Variants in FLNB observed in about 807,000 individuals in gnomAD.
FLNB encodes filamin B.
Under a neutral mutation model 250.6 loss-of-function variants are expected in FLNB, and 111 were observed. That is an observed-to-expected ratio of 0.44 (90% CI 0.38 to 0.52). The LOEUF (loss-of-function observed/expected upper bound fraction) is 0.52, where lower values mean the gene tolerates loss of function less well. FLNB is among the 20% of genes least tolerant of loss of function. The pLI is 0.00. For synonymous variants in FLNB, 1,302 were observed against 1,372.1 expected, an observed-to-expected ratio of 0.95 and a Z score of 1.13; for missense variants, 2,869 against 3,447.8, an observed-to-expected ratio of 0.83 and a Z score of 4.20.
In FLNB at chr3:58,096,233, C is replaced by T. The variant is rs369937858; in HGVS notation, c.984+15C>T. 4.3e-4 allele frequency: 692 copies of T among 1,601,906 alleles called. 4 individuals carry two copies. Among genetic ancestry groups the T allele is most frequent in the Non-Finnish European group, 5.3e-5 (62 of 1,169,106 alleles). ...GGCTACACAAAGTAAGATGAAGCAG[C>T]ATGGCTGTGGCTTGGGCTGCTCTGG... is the stretch of plus-strand genomic sequence containing the variant. On this transcript the variant is annotated intron_variant, in intron 6 of 45. Transcript: ENST00000295956.
chr3:58,091,030 AT>A (rs1484183397), intron 4 of FLNB, among the ~76,000 whole-genome samples: 1 of 151,602 alleles, frequency 6.6e-6, no homozygotes, highest in Admixed American at 6.6e-5. Context: ...GTGAGCCAAG[AT>A]TGTGCCACCG....
chr3:58,146,923 C>T lies in FLNB; in HGVS notation c.5658C>T (p.Gly1886=), dbSNP rs780336349. 11 of 1,614,052 alleles carry T rather than the reference C, an allele frequency of 6.8e-6. No individual in the cohort carries two copies. The highest frequency in any genetic ancestry group is 1.7e-5 in the Admixed American group (1 of 60,000). Reference sequence around the variant, plus strand: ...TGACCTACCTGCCGACTCTGCCAGGCGACTACAGCATTCTGGTCAAGTACA... The same window carrying T: ...TGACCTACCTGCCGACTCTGCCAGGTGACTACAGCATTCTGGTCAAGTACA... ...CTVTYLPTLP[G]DYSILVKYND... is the part of the protein sequence containing the mutation. The change falls in exon 34 of 46, where the codon GGC becomes GGT. Residue 1886 remains glycine, a synonymous_variant. Transcript: ENST00000295956.
intron 27 of FLNB, among the ~76,000 whole-genome samples, chr3:58,135,651 A>G (rs1306121381): frequency 6.6e-6 from 1 of 152,144 alleles, no homozygotes; most frequent in Non-Finnish European, 1.5e-5. Context: ...TCCTGTTAAT[A>G]AAGAGAAAAG....
chr3:58,118,236 TGGA>T (rs2097282375), intron 18 of FLNB, among the ~76,000 whole-genome samples: 1 of 152,230 alleles, frequency 6.6e-6, no homozygotes, highest in South Asian at 2.1e-4. Context: ...TTCTTTCACA[TGGA>T]AATGGAAGTT....
At chr3:58,061,450 G>C (rs910040598) in intron 1 of FLNB, among the ~76,000 whole-genome samples, 1 of 152,084 alleles carries the variant, frequency 6.6e-6, no homozygotes, top group African/African-American at 2.4e-5. Flanking sequence ...AGATGGGTAG[G>C]GCATGGTGGC....
At chr3:58,139,661 G>C (rs936896238) in intron 29 of FLNB, among the ~76,000 whole-genome samples, 14 of 152,204 alleles carry the variant, frequency 9.2e-5, no homozygotes, top group Non-Finnish European at 1.9e-4. Flanking sequence ...TCATTTAAGA[G>C]TGTTTTTCTC....
intron 1 of FLNB, among the ~76,000 whole-genome samples, chr3:58,046,574 C>T (rs747520678): frequency 3.3e-5 from 5 of 151,818 alleles, no homozygotes; most frequent in African/African-American, 4.8e-5. Context: ...CTCAGCCTTC[C>T]GAGTAGCTGG....
intron 1 of FLNB, among the ~76,000 whole-genome samples, chr3:58,045,637 A>G (rs775961335): frequency 4.6e-5 from 7 of 151,816 alleles, no homozygotes; most frequent in African/African-American, 9.7e-5. Flanking sequence ...TGGATGAACC[A>G]AATGAAATTT....
At chr3:58,019,565 G>T (rs571901586) in intron 1 of FLNB, among the ~76,000 whole-genome samples, 1 of 152,282 alleles carries the variant, frequency 6.6e-6, no homozygotes, top group South Asian at 2.1e-4. Flanking sequence ...ATCCCTGCCT[G>T]CATCATGCTG....
At chr3:58,077,915 C>T (rs935105555) in intron 2 of FLNB, among the ~76,000 whole-genome samples, 1 of 151,940 alleles carries the variant, frequency 6.6e-6, no homozygotes, top group African/African-American at 2.4e-5. Flanking sequence ...GGTACACACT[C>T]AGTAGAAAGA....
chr3:58,041,450 G>C (rs1256950152), intron 1 of FLNB, among the ~76,000 whole-genome samples: 1 of 152,144 alleles, frequency 6.6e-6, no homozygotes, highest in African/African-American at 2.4e-5. Flanking sequence ...TTGGATGTCA[G>C]CAGGCCTTCA....
chr3:58,078,940 GC>G, intron 3 of FLNB, 126 bp downstream of exon 3: 1 of 697,616 alleles, frequency 1.4e-6, no homozygotes. Context: ...TGCCTGTGAT[GC>G]TCTCTCATCT....
intron 1 of FLNB, among the ~76,000 whole-genome samples, chr3:58,023,705 T>A (rs1266836566): frequency 6.6e-6 from 1 of 152,212 alleles, no homozygotes; most frequent in African/African-American, 2.4e-5. Context: ...AACATTAAAA[T>A]GAAAGGTCTC....
At chr3:58,089,940 C>T (rs539255311) in intron 4 of FLNB, among the ~76,000 whole-genome samples, 53 of 152,158 alleles carry the variant, frequency 3.5e-4, no homozygotes, top group Non-Finnish European at 5.9e-4. Context: ...GTGCCCACCA[C>T]CACTTCTGGC....
In FLNB at chr3:58,133,443, A is replaced by G. The variant is rs1255875009; in HGVS notation, c.4514+512A>G. Among the ~76,000 whole-genome samples, 667 of 136,170 alleles carry G rather than the reference A, an allele frequency of 4.9e-3. 10 individuals are homozygous for G. The highest frequency in any genetic ancestry group is 0.021 in the African/African-American group (631 of 30,474). 89.3% of individuals were successfully genotyped at this position (136,170 alleles called of 152,430 possible). A position where few individuals can be genotyped will look rare whatever the true frequency, so the allele number is the denominator to read the frequency against. On this transcript the variant is annotated intron_variant, in intron 26 of 45. Coordinates refer to ENST00000295956, the MANE Select transcript of FLNB (RefSeq NM_001457.4). The stretch of plus-strand genomic sequence containing the variant: ...CCCTCCCCTGACATCTCTGGAAAAA[A>G]AAAAAAAAAAAAAAAAAAAAAAGCA...
Position 58,119,000 on chromosome 3 carries a change from G to A in FLNB, c.2863+11G>A, listed in dbSNP as rs963864349. 2 of 1,585,740 alleles carry A rather than the reference G, an allele frequency of 1.3e-6. No individual in the cohort carries two copies. Among genetic ancestry groups the A allele is most frequent in the Admixed American group, 1.7e-5 (1 of 59,992 alleles). ...ATGGGCTGGAAAACAGTAAGTGCCT[G>A]AATGGAGAGCAGATGGGTTGTTGAT... is the stretch of plus-strand genomic sequence containing the variant. On this transcript the variant is annotated intron_variant, in intron 19 of 45. Transcript: ENST00000295956.
intron 45 of FLNB, 68 bp from the exon 46 acceptor site, chr3:58,170,507 C>A: frequency 6.6e-7 from 1 of 1,509,286 alleles, no homozygotes; most frequent in South Asian, 1.2e-5. Flanking sequence ...CTTTGGCTCT[C>A]ATATTTCCTC....
At chr3:58,019,039 A>G (rs1398930319) in intron 1 of FLNB, among the ~76,000 whole-genome samples, 1 of 151,070 alleles carries the variant, frequency 6.6e-6, no homozygotes, top group African/African-American at 2.4e-5. Flanking sequence ...TGGGAGGCTG[A>G]GTTGGGAGGA....
chr3:58,060,497 C>T (rs569919141), intron 1 of FLNB, among the ~76,000 whole-genome samples: 3 of 151,926 alleles, frequency 2.0e-5, no homozygotes, highest in Admixed American at 1.3e-4. Flanking sequence ...GGATTACAGG[C>T]GTGTGCCATT....
Sources: gnomAD v4.1 joint callset for allele counts (sites outside exome capture counted in the v4.1 genomes callset) on GRCh38, gnomAD v4.1.1 for gene constraint, MANE v1.5 for transcripts, NCBI Gene and HGNC (gene_info 2026-07-23, HGNC 2026-07-21) for gene names.